The following PSD3 variants were observed in gnomAD, a reference collection of about 807,000 sequenced individuals.
PSD3 encodes the protein PH and SEC7 domain-containing protein 3.
Under a neutral mutation model 105.5 loss-of-function variants are expected in PSD3, and 49 were observed. The ratio of observed to expected loss-of-function variants is 0.46; its 90% confidence interval spans 0.37 to 0.59. The LOEUF (loss-of-function observed/expected upper bound fraction) is 0.59, where lower values mean the gene tolerates loss of function less well. Among genes scored for constraint, PSD3 ranks in the 20% least tolerant of loss-of-function variants. The pLI, the probability that PSD3 is intolerant of heterozygous loss-of-function variation, is 0.00. For synonymous variants in PSD3, 557 were observed against 457.8 expected (o/e 1.22, Z -2.77); for missense variants, 1,561 against 1,263.8 (o/e 1.24, Z -3.57).
intron 1 of PSD3, among the ~76,000 whole-genome samples, chr8:18,968,936 C>CT (rs1824460797): frequency 6.8e-6 from 1 of 146,834 alleles, no homozygotes; most frequent in Admixed American, 6.8e-5. Context: ...CCCAACACCA[C>CT]TGGGGATACG....
At chr8:18,967,559 C>T (rs1484483293) in intron 1 of PSD3, among the ~76,000 whole-genome samples, 1 of 152,156 alleles carries the variant, frequency 6.6e-6, no homozygotes, top group Non-Finnish European at 1.5e-5. Flanking sequence ...GAAAGCCCAG[C>T]AGATACCAGA....
At position 18,529,102 on chromosome 8, in the gene PSD3, G is replaced by A. The variant is rs1456243432; in HGVS notation, c.*6641C>T. 6.6e-6 allele frequency: 1 copy of A among 152,168 alleles called. No homozygotes were observed. Among genetic ancestry groups the A allele is most frequent in the Non-Finnish European group, 1.5e-5 (1 of 68,032 alleles). The allele number at this position is 152,168 out of a possible 1,614,324, so 9.4% of individuals were successfully genotyped here. A position where few individuals can be genotyped will look rare whatever the true frequency, so the allele number is the denominator to read the frequency against. On this transcript the variant is annotated 3_prime_UTR_variant, in exon 16 of 16. Coordinates refer to ENST00000327040, the MANE Select transcript of PSD3 (RefSeq NM_015310.4). ...GCAGAGCAAGCAGCTCTGCCACCTTGGAAAATGATGCACACCAGCTTCTGG... is the reference window on the plus strand; with the variant it reads ...GCAGAGCAAGCAGCTCTGCCACCTTAGAAAATGATGCACACCAGCTTCTGG...
chr8:18,686,896 C>T (rs889910443), intron 9 of PSD3, among the ~76,000 whole-genome samples: 2 of 152,178 alleles, frequency 1.3e-5, no homozygotes, highest in Non-Finnish European at 2.9e-5. Context: ...CCTCATTCAG[C>T]AGTCAGCTCA....
intron 11 of PSD3, among the ~76,000 whole-genome samples, chr8:18,612,214 C>T (rs1805317224): frequency 1.3e-5 from 2 of 152,170 alleles, no homozygotes. Context: ...AGAGCACTGG[C>T]CTCATTTCTC....
At chr8:19,073,336 G>C (rs752910312) in intron 1 of PSD3, among the ~76,000 whole-genome samples, 4 of 151,944 alleles carry the variant, frequency 2.6e-5, no homozygotes, top group Non-Finnish European at 4.4e-5. Context: ...GGATCACTTG[G>C]GGTTGGGAGT....
At chr8:18,642,826 A>C (rs1249495781) in intron 10 of PSD3, among the ~76,000 whole-genome samples, 3 of 152,262 alleles carry the variant, frequency 2.0e-5, no homozygotes, top group African/African-American at 4.8e-5. Context: ...GACATGAAGC[A>C]AACAATGTAT....
At chr8:18,691,690 G>A (rs1027882557) in intron 9 of PSD3, among the ~76,000 whole-genome samples, 1 of 152,066 alleles carries the variant, frequency 6.6e-6, no homozygotes, top group African/African-American at 2.4e-5. Flanking sequence ...AATCCAATAA[G>A]CCCGTCCATA....
intron 9 of PSD3, among the ~76,000 whole-genome samples, chr8:18,688,405 A>G (rs1800784804): frequency 6.6e-6 from 1 of 152,038 alleles, no homozygotes; most frequent in South Asian, 2.1e-4. Flanking sequence ...CCTTCTTAAT[A>G]TTTCTTGCTC....
chr8:19,082,385 T>G (rs1390570369), intron 1 of PSD3, among the ~76,000 whole-genome samples: 2 of 152,156 alleles, frequency 1.3e-5, no homozygotes, highest in Non-Finnish European at 2.9e-5. Context: ...CCCTTTCACT[T>G]TAGTCCGCAA....
chr8:18,897,194 G>C (rs1819208410), intron 2 of PSD3, among the ~76,000 whole-genome samples: 1 of 152,134 alleles, frequency 6.6e-6, no homozygotes, highest in African/African-American at 2.4e-5. Context: ...CTGATGTTCA[G>C]TATTTTTTCA....
rs1799745210 is a variant in PSD3 at position 18,534,301 on chromosome 8, T to C, written c.*1442A>G. 1 of 152,570 alleles carries C rather than the reference T, an allele frequency of 6.6e-6. No homozygotes were observed. The allele number at this position is 152,570 out of a possible 1,614,324, so 9.5% of individuals were successfully genotyped here. ...CTTGCGGAGATTTTAACTTTAGGGATTACAGAGTTTCAAGGTTAGGAAATC... is the reference window on the plus strand; with the variant it reads ...CTTGCGGAGATTTTAACTTTAGGGACTACAGAGTTTCAAGGTTAGGAAATC... On this transcript the variant is annotated 3_prime_UTR_variant, in exon 16 of 16. Transcript: ENST00000327040.
intron 4 of PSD3, among the ~76,000 whole-genome samples, chr8:18,831,837 C>T (rs1241330637): frequency 6.6e-6 from 1 of 151,972 alleles, no homozygotes; most frequent in Non-Finnish European, 1.5e-5. Context: ...AGGATTTGGT[C>T]TTGCTATTCA....
intron 14 of PSD3, among the ~76,000 whole-genome samples, chr8:18,568,943 G>A (rs1392962321): frequency 4.0e-5 from 6 of 148,556 alleles, no homozygotes; most frequent in Non-Finnish European, 8.9e-5. Flanking sequence ...ACCTATGAGT[G>A]AGAATATGTG....
At chr8:18,843,292 C>G (rs1814805873) in intron 4 of PSD3, among the ~76,000 whole-genome samples, 1 of 140,244 alleles carries the variant, frequency 7.1e-6, no homozygotes, top group Non-Finnish European at 1.5e-5. Context: ...ACCCGGGAGG[C>G]GGAGCTTGCA....
At chr8:19,057,315 G>A (rs1351384543) in intron 1 of PSD3, among the ~76,000 whole-genome samples, 3 of 152,026 alleles carry the variant, frequency 2.0e-5, no homozygotes, top group Admixed American at 1.3e-4. Flanking sequence ...CTAGAATTTG[G>A]TTTCACCCCC....
At chr8:18,763,954 A>C (rs377450902) in intron 9 of PSD3, among the ~76,000 whole-genome samples, 14 of 152,190 alleles carry the variant, frequency 9.2e-5, no homozygotes, top group East Asian at 5.8e-4. Context: ...GCACAACAGC[A>C]ACAAATCATC....
chr8:18,551,806 A>G (rs1439496575), intron 15 of PSD3, among the ~76,000 whole-genome samples: 4 of 152,142 alleles, frequency 2.6e-5, no homozygotes, highest in Non-Finnish European at 4.4e-5. Context: ...TATACCGAGA[A>G]GTATCTTCCT....
At chr8:18,991,430 G>A (rs975123724) in intron 1 of PSD3, among the ~76,000 whole-genome samples, 13 of 150,340 alleles carry the variant, frequency 8.6e-5, no homozygotes, top group Non-Finnish European at 1.9e-4. Flanking sequence ...AGGTTTCACA[G>A]TACACCACTT....
intron 12 of PSD3, among the ~76,000 whole-genome samples, chr8:18,578,337 C>T (rs1213326412): frequency 1.3e-5 from 2 of 152,118 alleles, no homozygotes; most frequent in East Asian, 3.9e-4. Context: ...CAGACTGTAG[C>T]TAAGACAGAT....
Sources: allele counts gnomAD v4.1 joint callset (sites outside exome capture counted in the v4.1 genomes callset), GRCh38; gene constraint gnomAD v4.1.1; transcripts MANE v1.5; gene names NCBI Gene and HGNC (gene_info 2026-07-23, HGNC 2026-07-21).